The following AIG1 variants were observed in gnomAD, a reference collection of about 807,000 sequenced individuals.
AIG1 encodes the protein androgen induced 1.
In AIG1, 23 loss-of-function variants were observed where a neutral mutation model predicts 31.4. That is an observed-to-expected ratio of 0.73 (90% CI 0.53 to 1.04). The LOEUF (loss-of-function observed/expected upper bound fraction) is 1.04. Among genes scored for constraint, AIG1 ranks in the 50% least tolerant of loss-of-function variants. The probability of loss-of-function intolerance (pLI) is 0.00; values close to 1 mark genes in which losing one functional copy is unlikely to be tolerated. For synonymous variants in AIG1, 100 were observed against 110.5 expected (o/e 0.90, Z 0.60); for missense variants, 274 against 295.0 (o/e 0.93, Z 0.52).
chr6:143,194,402 G>C (rs1195518860), intron 3 of AIG1, among the ~76,000 whole-genome samples: 2 of 152,098 alleles, frequency 1.3e-5, no homozygotes, highest in Non-Finnish European at 2.9e-5. Flanking sequence ...CGACACGTAG[G>C]GGTTATGGGG....
intron 5 of AIG1, among the ~76,000 whole-genome samples, chr6:143,336,448 A>T (rs1777500000): frequency 6.6e-6 from 1 of 152,186 alleles, no homozygotes; most frequent in African/African-American, 2.4e-5. Flanking sequence ...ACTGATGTTC[A>T]GTCCAGTCTC....
Position 143,284,151 on chromosome 6 carries a change from A to G in AIG1, c.441A>G (p.Thr147=), listed in dbSNP as rs564476465. The change falls in exon 4 of 6, where the codon ACA becomes ACG. Residue 147 remains threonine, a synonymous_variant. Coordinates refer to ENST00000357847, the MANE Select transcript of AIG1 (RefSeq NM_016108.4). This position sits in a 1 kb window ranked among gnomAD's most constrained non-coding sequence, Gnocchi z 4.4. ...CCTTTATATTAATCGAGATGAGGACATCGCACCATCAGTATCCCAGCAGGA... is the reference window on the plus strand; with the variant it reads ...CCTTTATATTAATCGAGATGAGGACGTCGCACCATCAGTATCCCAGCAGGA... The part of the protein sequence containing the change: ...VLPFILIEMR[T]SHHQYPSRSS... 5 of 1,614,074 alleles carry G rather than the reference A, an allele frequency of 3.1e-6. No homozygotes were observed. Among genetic ancestry groups the G allele is most frequent in the South Asian group, 1.1e-5 (1 of 91,064 alleles).
intron 2 of AIG1, among the ~76,000 whole-genome samples, chr6:143,138,084 T>C (rs1783915855): frequency 6.6e-6 from 1 of 152,214 alleles, no homozygotes; most frequent in African/African-American, 2.4e-5. Flanking sequence ...TGTGCCAAAT[T>C]ATATTTTCTT....
intron 1 of AIG1, among the ~76,000 whole-genome samples, chr6:143,085,875 A>G (rs185674445): frequency 2.0e-5 from 3 of 152,168 alleles, no homozygotes; most frequent in East Asian, 3.9e-4. Flanking sequence ...GGACCTTTGT[A>G]TGGTAATTAA....
chr6:143,162,991 C>T (rs886757464), intron 2 of AIG1, among the ~76,000 whole-genome samples: 1 of 152,102 alleles, frequency 6.6e-6, no homozygotes. Context: ...AGAGCCTCCC[C>T]AAGCAGAACA....
At chr6:143,247,276 T>C (rs1794685700) in intron 3 of AIG1, among the ~76,000 whole-genome samples, 1 of 152,180 alleles carries the variant, frequency 6.6e-6, no homozygotes, top group South Asian at 2.1e-4. Flanking sequence ...GGACTACAAG[T>C]GCACGCCACC....
intron 3 of AIG1, among the ~76,000 whole-genome samples, chr6:143,245,857 A>G (rs1238898608): frequency 3.3e-5 from 5 of 152,200 alleles, no homozygotes. Context: ...AGCTAAAAGC[A>G]GAGGCTTTCA....
rs148154771 is a variant in AIG1 at position 143,273,740 on chromosome 6, A to C, written c.400-10370A>C. Among the ~76,000 whole-genome samples, 970 of 152,268 alleles carry C rather than the reference A, an allele frequency of 6.4e-3. 8 individuals are homozygous for C. Among genetic ancestry groups the C allele is most frequent in the African/African-American group, 0.022 (926 of 41,548 alleles). ...GGGAAACCCCTTATAAAACCATCAG[A>C]TCTTGTGAGACTTATTCACTACCAT... is the stretch of plus-strand genomic sequence containing the variant. On this transcript the variant is annotated intron_variant, in intron 3 of 5. Coordinates refer to ENST00000357847, the MANE Select transcript of AIG1 (RefSeq NM_016108.4).
intron 1 of AIG1, among the ~76,000 whole-genome samples, chr6:143,080,310 G>T (rs947785956): frequency 6.6e-6 from 1 of 152,180 alleles, no homozygotes; most frequent in Non-Finnish European, 1.5e-5. Context: ...GGGGTCCGCG[G>T]TAGATCTTAG....
intron 3 of AIG1, among the ~76,000 whole-genome samples, chr6:143,182,135 C>A (rs1036679594): frequency 6.6e-6 from 1 of 152,114 alleles, no homozygotes; most frequent in African/African-American, 2.4e-5. Flanking sequence ...AAGGGATCCT[C>A]CTACCCCAGC....
chr6:143,276,357 A>G (rs1395610000), intron 3 of AIG1, among the ~76,000 whole-genome samples: 1 of 152,226 alleles, frequency 6.6e-6, no homozygotes, highest in Non-Finnish European at 1.5e-5. Context: ...TGCCCAGAAC[A>G]TACTGGCACT....
intron 1 of AIG1, among the ~76,000 whole-genome samples, chr6:143,129,778 GTAATT>G (rs1207757784): frequency 2.0e-5 from 3 of 151,680 alleles, no homozygotes; most frequent in Admixed American, 2.0e-4. Context: ...AAATTGTTGA[GTAATT>G]TAGTTAAATT....
intron 1 of AIG1, among the ~76,000 whole-genome samples, chr6:143,087,228 T>C (rs1778878126): frequency 6.6e-6 from 1 of 152,164 alleles, no homozygotes; most frequent in Non-Finnish European, 1.5e-5. Context: ...GTCTTTGTTC[T>C]TAGAGCTCCC....
intron 3 of AIG1, among the ~76,000 whole-genome samples, chr6:143,218,803 T>C (rs1211524547): frequency 6.6e-6 from 1 of 152,246 alleles, no homozygotes; most frequent in Non-Finnish European, 1.5e-5. Context: ...GAACCTCTGC[T>C]ACTTTCTGAC....
intron 1 of AIG1, among the ~76,000 whole-genome samples, chr6:143,126,809 C>A (rs1379644675): frequency 1.3e-5 from 2 of 152,156 alleles, no homozygotes; most frequent in East Asian, 3.8e-4. Context: ...ATATGACAAA[C>A]TACTCTCTCT....
intron 3 of AIG1, among the ~76,000 whole-genome samples, chr6:143,220,303 T>G (rs1404139133): frequency 1.3e-5 from 2 of 152,328 alleles, no homozygotes; most frequent in East Asian, 3.9e-4. Flanking sequence ...TTAGTCAGTT[T>G]GTTATATTTA....
Position 143,288,173 on chromosome 6 carries a change from T to A in AIG1, c.515+3948T>A, listed in dbSNP as rs1797821212. Among the ~76,000 whole-genome samples the A allele has an allele frequency of 6.6e-6, 1 of 152,182 alleles. No homozygotes were observed. Among genetic ancestry groups the A allele is most frequent in the Non-Finnish European group, 1.5e-5 (1 of 68,036 alleles). On this transcript the variant is annotated intron_variant, in intron 4 of 5. Coordinates refer to ENST00000357847, the MANE Select transcript of AIG1 (RefSeq NM_016108.4). The surrounding 1 kb of genome is among the most constrained non-coding windows in gnomAD (Gnocchi z 4.4). ...CTTCCAAGCACCTGGAATCCTTGTCTCTGCAGTTCTGCTTCTCATTGCTCT... is the reference window on the plus strand; with the variant it reads ...CTTCCAAGCACCTGGAATCCTTGTCACTGCAGTTCTGCTTCTCATTGCTCT...
At chr6:143,316,227 A>G (rs772681716) in intron 4 of AIG1, among the ~76,000 whole-genome samples, 1 of 152,136 alleles carries the variant, frequency 6.6e-6, no homozygotes, top group Non-Finnish European at 1.5e-5. Flanking sequence ...GAAAAGCTGC[A>G]TTTAAAAGGA....
intron 3 of AIG1, among the ~76,000 whole-genome samples, chr6:143,191,703 GGAA>G (rs1789804756): frequency 6.6e-6 from 1 of 151,928 alleles, no homozygotes; most frequent in African/African-American, 2.4e-5. Context: ...GAGGAAAGGA[GGAA>G]GAAGGGAAAG....
Sources: gnomAD v4.1 joint callset for allele counts (sites outside exome capture counted in the v4.1 genomes callset) on GRCh38, gnomAD v4.1.1 for gene constraint, Gnocchi (gnomAD v3.1) non-coding constraint, MANE v1.5 for transcripts, NCBI Gene and HGNC (gene_info 2026-07-23, HGNC 2026-07-21) for gene names.